The following CUL2 variants were observed in gnomAD, a reference collection of about 807,000 sequenced individuals.
CUL2 encodes cullin 2.
A neutral mutation model predicts 110.2 loss-of-function variants in CUL2; 22 were observed. The observed-to-expected ratio is 0.20, with a 90% confidence interval of 0.14 to 0.28. CUL2 has a LOEUF of 0.28. Ranked by LOEUF, CUL2 falls within the 10% of genes least tolerant of loss-of-function variation. The probability of loss-of-function intolerance (pLI) is 1.00; values close to 1 mark genes in which losing one functional copy is unlikely to be tolerated. For missense variants in CUL2, 631 were observed against 905.5 expected, an observed-to-expected ratio of 0.70 and a Z score of 3.89; for synonymous variants, 279 against 293.2, an observed-to-expected ratio of 0.95 and a Z score of 0.49.
chr10:35,022,502 G>GATCT (rs2085227635), intron 17 of CUL2, among the ~76,000 whole-genome samples: 1 of 152,206 alleles, frequency 6.6e-6, no homozygotes, highest in Non-Finnish European at 1.5e-5. Context: ...AACTCTGAGA[G>GATCT]ATCTGTCCAG....
chr10:35,059,583 C>T (rs532891738), intron 4 of CUL2, among the ~76,000 whole-genome samples: 6 of 152,312 alleles, frequency 3.9e-5, no homozygotes, highest in African/African-American at 9.6e-5. Flanking sequence ...AACCAAACAA[C>T]TTGTGTGACT....
At chr10:35,095,874 A>G (rs2087290580) in intron 2 of CUL2, among the ~76,000 whole-genome samples, 2 of 152,094 alleles carry the variant, frequency 1.3e-5, no homozygotes, top group East Asian at 3.9e-4. Context: ...TATGTCATGT[A>G]TTAAACATTT....
intron 1 of CUL2, among the ~76,000 whole-genome samples, chr10:35,089,586 AATTCACAG>A (rs1475185554): frequency 2.6e-5 from 4 of 152,208 alleles, no homozygotes; most frequent in African/African-American, 9.7e-5. Flanking sequence ...AACAGTCTGC[AATTCACAG>A]ATGTTTTATT....
chr10:35,049,863 G>A, intron 5 of CUL2, 98 bp from the exon 6 acceptor site: 1 of 695,556 alleles, frequency 1.4e-6, no homozygotes, highest in Non-Finnish European at 2.4e-6. Context: ...ATCAAAAGAA[G>A]TATTTATACT....
At chr10:35,082,285 A>G (rs572243109) in intron 1 of CUL2, among the ~76,000 whole-genome samples, 1 of 152,348 alleles carries the variant, frequency 6.6e-6, no homozygotes, top group East Asian at 1.9e-4. Flanking sequence ...TAAGTCAAAT[A>G]CACTAGACAC....
At chr10:35,060,763 G>C (rs2086361762) in intron 4 of CUL2, 111 bp downstream of exon 4, 1 of 814,878 alleles carries the variant, frequency 1.2e-6, no homozygotes, top group African/African-American at 1.7e-5. Context: ...CAGAGAGAAT[G>C]CTTTAGTTTT....
chr10:35,040,850 G>A (rs1282811956), intron 8 of CUL2, among the ~76,000 whole-genome samples: 1 of 152,194 alleles, frequency 6.6e-6, no homozygotes, highest in Non-Finnish European at 1.5e-5. Flanking sequence ...AGTTCACAAT[G>A]GAGTTTGCGC....
chr10:35,121,399 GT>G (rs1221410567), intron 1 of CUL2, among the ~76,000 whole-genome samples: 1 of 152,104 alleles, frequency 6.6e-6, no homozygotes, highest in Non-Finnish European at 1.5e-5. Context: ...CTGATTTTTT[GT>G]ATTTTTAGTA....
At chr10:35,060,305 T>A in intron 4 of CUL2, among the ~76,000 whole-genome samples, 2 of 148,716 alleles carry the variant, frequency 1.3e-5, no homozygotes, top group Admixed American at 6.7e-5. Context: ...GAAAGAAAAA[T>A]AGAAAAAGAA....
intron 9 of CUL2, among the ~76,000 whole-genome samples, chr10:35,038,352 T>C (rs1332829063): frequency 6.6e-6 from 1 of 150,940 alleles, no homozygotes; most frequent in Non-Finnish European, 1.5e-5. Flanking sequence ...GGTGAAACCC[T>C]GTCTCTACTA....
intron 17 of CUL2, among the ~76,000 whole-genome samples, chr10:35,018,073 G>A (rs1279705984): frequency 4.1e-5 from 6 of 146,766 alleles, no homozygotes; most frequent in African/African-American, 1.0e-4. Context: ...GGCGGATCAC[G>A]AGGTCAGGAG....
intron 1 of CUL2, among the ~76,000 whole-genome samples, chr10:35,080,431 ATTTT>A (rs1393489699): frequency 7.5e-6 from 1 of 134,112 alleles, no homozygotes. Flanking sequence ...TAGAATTCCT[ATTTT>A]TATTTATTTA....
At position 35,009,320 on chromosome 10, in the gene CUL2, CTG is replaced by C. The variant is rs1325561956; in HGVS notation, c.*989_*990del. ...TTAGGTTATGCATTGCTAAGCACAT[CTG>C]TGATTGATGAGAGTGACTCTAGTAT... On this transcript the variant is annotated 3_prime_UTR_variant, in exon 21 of 21. Coordinates refer to ENST00000374749, the MANE Select transcript of CUL2 (RefSeq NM_003591.4). The C allele has an allele frequency of 6.6e-6, 1 of 151,474 alleles. No individual in the cohort carries two copies. The highest frequency in any genetic ancestry group is 1.5e-5 in the Non-Finnish European group (1 of 67,918). The allele number at this position is 151,474 out of a possible 1,614,324, so 9.4% of individuals were successfully genotyped here.
chr10:35,025,316 ATCTGGTTTACC>A (rs976048200), intron 16 of CUL2, 118 bp from the exon 17 acceptor site: 1 of 1,332,912 alleles, frequency 7.5e-7, no homozygotes, highest in Admixed American at 3.7e-5. Flanking sequence ...ATTAAAGCCC[ATCTGGTTTACC>A]TCCTTCTTTT....
At chr10:35,052,290 T>C (rs1311003610) in intron 5 of CUL2, among the ~76,000 whole-genome samples, 3 of 152,148 alleles carry the variant, frequency 2.0e-5, no homozygotes, top group Admixed American at 6.5e-5. Context: ...GGGGAGGCAA[T>C]ACATGAAAAA....
chr10:35,019,773 T>C (rs956044283), intron 17 of CUL2, among the ~76,000 whole-genome samples: 1 of 152,180 alleles, frequency 6.6e-6, no homozygotes, highest in South Asian at 2.1e-4. Context: ...TCAGGGCAAG[T>C]TGAAGGCATG....
intron 16 of CUL2, among the ~76,000 whole-genome samples, chr10:35,025,694 A>C (rs2085321063): frequency 6.6e-6 from 1 of 152,202 alleles, no homozygotes; most frequent in Non-Finnish European, 1.5e-5. Flanking sequence ...TGAACAATTA[A>C]ATTTAAATTC....
chr10:35,056,539 CAGGAG>C (rs953226686), intron 4 of CUL2, among the ~76,000 whole-genome samples: 8 of 152,086 alleles, frequency 5.3e-5, no homozygotes, highest in Non-Finnish European at 1.2e-4. Context: ...CACAGAAACT[CAGGAG>C]AGGTCTTCCA....
intron 1 of CUL2, among the ~76,000 whole-genome samples, chr10:35,076,743 T>G (rs2086828113): frequency 6.6e-6 from 1 of 152,150 alleles, no homozygotes; most frequent in South Asian, 2.1e-4. Flanking sequence ...ATATATCTGC[T>G]TTTTTCTCTT....
Sources: gnomAD v4.1 joint callset for allele counts (sites outside exome capture counted in the v4.1 genomes callset) on GRCh38, gnomAD v4.1.1 for gene constraint, MANE v1.5 for transcripts, NCBI Gene and HGNC (gene_info 2026-07-23, HGNC 2026-07-21) for gene names.